Variants in TGFBR3 observed in about 807,000 individuals in gnomAD.
TGFBR3 encodes transforming growth factor beta receptor type 3.
TGFBR3 carries 46 observed loss-of-function variants against 87.9 expected under a neutral mutation model. That is an observed-to-expected ratio of 0.52 (90% CI 0.41 to 0.67). TGFBR3 has a LOEUF of 0.67. Among genes scored for constraint, TGFBR3 ranks in the 30% least tolerant of loss-of-function variants. TGFBR3 has a pLI of 0.00. For missense variants in TGFBR3, 866 were observed against 1,041.9 expected (o/e 0.83, Z 2.32); for synonymous variants, 381 against 391.6 (o/e 0.97, Z 0.32).
At chr1:91,887,033 A>G (rs979063226), upstream of TGFBR3, among the ~76,000 whole-genome samples, 2 of 152,120 alleles carry the variant, frequency 1.3e-5, no homozygotes, top group African/African-American at 2.4e-5. Flanking sequence ...ATTAAAAAGT[A>G]TACTTAAGTA....
chr1:91,752,545 G>A (rs1163567524), intron 4 of TGFBR3, among the ~76,000 whole-genome samples: 2 of 152,120 alleles, frequency 1.3e-5, no homozygotes, highest in Non-Finnish European at 2.9e-5. Context: ...TTATGAGCAT[G>A]CAAAGTGACT....
chr1:91,725,162 C>T (rs562226863), intron 7 of TGFBR3, among the ~76,000 whole-genome samples: 9 of 152,216 alleles, frequency 5.9e-5, no homozygotes, highest in African/African-American at 2.2e-4. Context: ...CCATTCTTGC[C>T]CACTGCCTGG....
At chr1:91,820,364 C>T (rs1054765981) in intron 2 of TGFBR3, among the ~76,000 whole-genome samples, 1 of 152,116 alleles carries the variant, frequency 6.6e-6, no homozygotes, top group East Asian at 1.9e-4. Flanking sequence ...ATGTTAACTG[C>T]CACAGTATTT....
chr1:91,743,039 C>T (rs1314021957), intron 4 of TGFBR3, among the ~76,000 whole-genome samples: 1 of 152,170 alleles, frequency 6.6e-6, no homozygotes, highest in Non-Finnish European at 1.5e-5. Flanking sequence ...TGTCTTTAAG[C>T]TTTAACTCTT....
chr1:91,815,370 AG>A (rs1676185706), intron 2 of TGFBR3, among the ~76,000 whole-genome samples: 1 of 151,948 alleles, frequency 6.6e-6, no homozygotes, highest in Non-Finnish European at 1.5e-5. Flanking sequence ...GCTAATCCTC[AG>A]GGTCATCATG....
At chr1:91,886,183 C>A (rs1015574059), upstream of TGFBR3, 1 of 453,642 alleles carries the variant, frequency 2.2e-6, no homozygotes, top group South Asian at 1.6e-5. Context: ...CGCACTCGCC[C>A]TCCCTCGCAC....
At chr1:91,801,293 C>T (rs1048939383) in intron 2 of TGFBR3, among the ~76,000 whole-genome samples, 4 of 152,246 alleles carry the variant, frequency 2.6e-5, no homozygotes, top group Non-Finnish European at 4.4e-5. Context: ...GCCCTCCTTG[C>T]GGCTCTCTCT....
At chr1:91,864,720 A>G (rs1466233439) in intron 1 of TGFBR3, among the ~76,000 whole-genome samples, 1 of 152,218 alleles carries the variant, frequency 6.6e-6, no homozygotes, top group Non-Finnish European at 1.5e-5. Flanking sequence ...CTTAGGAATC[A>G]GTTCCCTGGA....
intron 2 of TGFBR3, among the ~76,000 whole-genome samples, chr1:91,804,889 T>C (rs1465214052): frequency 1.3e-5 from 2 of 152,200 alleles, no homozygotes. Context: ...GTGAGTGACA[T>C]GCTCTGATGA....
chr1:91,864,865 C>A (rs1678328171), intron 1 of TGFBR3, among the ~76,000 whole-genome samples: 1 of 152,146 alleles, frequency 6.6e-6, no homozygotes, highest in South Asian at 2.1e-4. Flanking sequence ...ACTTTTTGAC[C>A]TCAAAGAATC....
chr1:91,684,255 T>A (rs1378656395), intron 16 of TGFBR3, among the ~76,000 whole-genome samples: 1 of 151,922 alleles, frequency 6.6e-6, no homozygotes, highest in Non-Finnish European at 1.5e-5. Flanking sequence ...AAAGACACTG[T>A]AGGATTTGGA....
intron 2 of TGFBR3, among the ~76,000 whole-genome samples, chr1:91,845,487 A>C (rs976220130): frequency 2.0e-5 from 3 of 152,236 alleles, no homozygotes; most frequent in South Asian, 2.1e-4. Flanking sequence ...CGTTGCCTTC[A>C]GAGTCAACAG....
chr1:91,717,307 G>A (rs1003560533), intron 10 of TGFBR3, among the ~76,000 whole-genome samples: 2 of 152,120 alleles, frequency 1.3e-5, no homozygotes, highest in Non-Finnish European at 2.9e-5. Context: ...CTTCATTGCC[G>A]CTCTTGTACC....
At chr1:91,855,412 C>G (rs1677901433) in intron 2 of TGFBR3, among the ~76,000 whole-genome samples, 1 of 152,176 alleles carries the variant, frequency 6.6e-6, no homozygotes, top group Non-Finnish European at 1.5e-5. Flanking sequence ...ACTGATTTCC[C>G]TGAATTCTCC....
rs1463549689 is a variant in TGFBR3, at chr1:91,683,861, C to T, written c.2438-4G>A. On this transcript the variant is annotated splice_region_variant and splice_polypyrimidine_tract_variant and intron_variant, in intron 16 of 16. Transcript: ENST00000212355. The stretch of plus-strand genomic sequence containing the variant: ...TGCTGCCTTCCTGCTGTCTCCCCTG[C>T]AGTTAATAAAGAAAAGGCAGAGTCA... The T allele has an allele frequency of 2.5e-6, 4 of 1,594,276 alleles. No homozygotes were observed. The highest frequency in any genetic ancestry group is 3.4e-6 in the Non-Finnish European group (4 of 1,169,840).
intron 3 of TGFBR3, among the ~76,000 whole-genome samples, chr1:91,788,568 G>T (rs765752764): frequency 9.8e-5 from 15 of 152,332 alleles, no homozygotes; most frequent in Admixed American, 2.6e-4. Context: ...AAATACTTCT[G>T]CAGAGTTTAA....
intron 3 of TGFBR3, among the ~76,000 whole-genome samples, chr1:91,778,445 C>G (rs1571500637): frequency 6.6e-6 from 1 of 152,022 alleles, no homozygotes; most frequent in African/African-American, 2.4e-5. Context: ...AGAGGGAAGA[C>G]CAAAAAAGAG....
At chr1:91,786,088 A>T in intron 3 of TGFBR3, 1 of 413,378 alleles carries the variant, frequency 2.4e-6, no homozygotes, top group Non-Finnish European at 4.8e-6. Flanking sequence ...AAAATATATT[A>T]GTCATATTAT....
chr1:91,761,054 T>C (rs1673942279), intron 3 of TGFBR3, among the ~76,000 whole-genome samples: 1 of 152,270 alleles, frequency 6.6e-6, no homozygotes. Context: ...CAAAGACTAG[T>C]AATGTATATC....
Sources: gnomAD v4.1 joint callset for allele counts (sites outside exome capture counted in the v4.1 genomes callset) on GRCh38, gnomAD v4.1.1 for gene constraint, MANE v1.5 for transcripts, NCBI Gene and HGNC (gene_info 2026-07-23, HGNC 2026-07-21) for gene names.